Variants in GRID2 observed in about 807,000 individuals in gnomAD.
GRID2 encodes glutamate receptor ionotropic, delta-2.
GRID2 carries 33 observed loss-of-function variants against 114.8 expected under a neutral mutation model. The observed-to-expected ratio is 0.29, with a 90% CI of 0.22 to 0.38. The LOEUF (loss-of-function observed/expected upper bound fraction) is 0.38, where lower values mean the gene tolerates loss of function less well. Among genes scored for constraint, GRID2 ranks in the 10% least tolerant of loss-of-function variants. GRID2 has a pLI of 1.00. For synonymous variants in GRID2, 505 were observed against 449.9 expected (o/e 1.12, Z -1.55); for missense variants, 1,184 against 1,257.7 (o/e 0.94, Z 0.89).
intron 2 of GRID2, among the ~76,000 whole-genome samples, chr4:92,781,929 GTATTGA>G (rs1011746402): frequency 6.6e-6 from 1 of 151,972 alleles, no homozygotes; most frequent in Non-Finnish European, 1.5e-5. Flanking sequence ...ATGATACACT[GTATTGA>G]TATTGTCTGC....
intron 2 of GRID2, among the ~76,000 whole-genome samples, chr4:92,626,704 A>G (rs1043821754): frequency 4.6e-5 from 7 of 152,092 alleles, no homozygotes; most frequent in African/African-American, 1.4e-4. Flanking sequence ...CTTGAGTGTT[A>G]TATCTTCAAC....
At chr4:92,627,236 G>C (rs1023836593) in intron 2 of GRID2, among the ~76,000 whole-genome samples, 5 of 152,088 alleles carry the variant, frequency 3.3e-5, no homozygotes, top group African/African-American at 9.7e-5. Flanking sequence ...GTGGATGTTA[G>C]CATCTGGTAG....
At chr4:93,675,125 A>C (rs1398960196) in intron 14 of GRID2, among the ~76,000 whole-genome samples, 1 of 152,152 alleles carries the variant, frequency 6.6e-6, no homozygotes, top group Non-Finnish European at 1.5e-5. Flanking sequence ...TCCTTAAAAC[A>C]TCTCACAAAT....
At chr4:93,490,547 T>C (rs1478021186) in intron 11 of GRID2, 92 bp from the exon 12 acceptor site, 1 of 901,126 alleles carries the variant, frequency 1.1e-6, no homozygotes, top group Non-Finnish European at 1.7e-6. Flanking sequence ...TTCTCACTAC[T>C]TGCAAGTTAA....
chr4:93,457,932 A>C (rs1723362066), intron 11 of GRID2, among the ~76,000 whole-genome samples: 1 of 147,794 alleles, frequency 6.8e-6, no homozygotes, highest in Admixed American at 6.8e-5. Context: ...GGTTTGATAT[A>C]TTTGTCAGAT....
intron 1 of GRID2, among the ~76,000 whole-genome samples, chr4:92,578,425 A>G (rs1326505322): frequency 6.6e-6 from 1 of 151,664 alleles, no homozygotes; most frequent in Non-Finnish European, 1.5e-5. Flanking sequence ...AATTTCATCC[A>G]TGTCCCTACA....
intron 13 of GRID2, among the ~76,000 whole-genome samples, chr4:93,598,466 C>T (rs1325451019): frequency 2.0e-5 from 3 of 152,140 alleles, no homozygotes; most frequent in African/African-American, 7.2e-5. Flanking sequence ...ATCACTGACT[C>T]TAAGAGGTTT....
At chr4:93,249,505 A>T (rs756594813) in intron 8 of GRID2, among the ~76,000 whole-genome samples, 1 of 152,170 alleles carries the variant, frequency 6.6e-6, no homozygotes, top group Admixed American at 6.5e-5. Flanking sequence ...CCTATCCATG[A>T]GCATGGAATG....
intron 1 of GRID2, among the ~76,000 whole-genome samples, chr4:92,317,136 T>G (rs1726029218): frequency 6.6e-6 from 1 of 152,108 alleles, no homozygotes; most frequent in Non-Finnish European, 1.5e-5. Flanking sequence ...TAAAATTGCC[T>G]TTTTTACTCT....
intron 5 of GRID2, among the ~76,000 whole-genome samples, chr4:93,212,010 TG>T (rs1342314587): frequency 6.6e-5 from 10 of 152,242 alleles, no homozygotes; most frequent in African/African-American, 2.4e-4. Flanking sequence ...TGCTTGTTTA[TG>T]GGAATTTATA....
chr4:92,724,050 C>A (rs1214132420), intron 2 of GRID2, among the ~76,000 whole-genome samples: 1 of 152,012 alleles, frequency 6.6e-6, no homozygotes, highest in East Asian at 1.9e-4. Context: ...AAATCTGTAT[C>A]AATATACAGG....
intron 1 of GRID2, among the ~76,000 whole-genome samples, chr4:92,525,048 G>A (rs74342684): frequency 0.02 from 3,068 of 151,976 alleles, 38 homozygotes; most frequent in Non-Finnish European, 0.03. Context: ...TACTCTCTCA[G>A]TATAAAAGAA....
intron 1 of GRID2, among the ~76,000 whole-genome samples, chr4:92,500,555 G>A (rs554521783): frequency 6.6e-6 from 1 of 152,026 alleles, no homozygotes; most frequent in Non-Finnish European, 1.5e-5. Flanking sequence ...ACAAATACTT[G>A]TGTTTTTACT....
At chr4:92,348,537 A>C (rs1727897118) in intron 1 of GRID2, among the ~76,000 whole-genome samples, 2 of 152,306 alleles carry the variant, frequency 1.3e-5, no homozygotes, top group African/African-American at 4.8e-5. Context: ...AAGACTGAAG[A>C]GCTAAAAGAG....
At chr4:93,078,774 A>T (rs145009510) in intron 2 of GRID2, among the ~76,000 whole-genome samples, 3 of 55,806 alleles carry the variant, frequency 5.4e-5, no homozygotes, top group Non-Finnish European at 1.1e-4. Flanking sequence ...TTATATTTAT[A>T]TACTGTATAT....
chr4:93,673,001 T>C (rs1002311469), intron 14 of GRID2, among the ~76,000 whole-genome samples: 7 of 152,218 alleles, frequency 4.6e-5, no homozygotes, highest in Non-Finnish European at 7.3e-5. Context: ...TTAAATAGCA[T>C]AGAATACTAT....
intron 9 of GRID2, among the ~76,000 whole-genome samples, chr4:93,409,791 A>G (rs1008151465): frequency 2.6e-5 from 4 of 152,230 alleles, no homozygotes; most frequent in Non-Finnish European, 5.9e-5. Context: ...TCAAATTTCA[A>G]TCTTTCTTAC....
At chr4:93,538,231 G>A (rs2149523647) in intron 13 of GRID2, among the ~76,000 whole-genome samples, 1 of 151,710 alleles carries the variant, frequency 6.6e-6, no homozygotes, top group African/African-American at 2.4e-5. Context: ...ATAAGAAAGT[G>A]CTCAAATAAC....
chr4:93,109,923 A>T (rs1356726101), intron 3 of GRID2, among the ~76,000 whole-genome samples: 2 of 152,040 alleles, frequency 1.3e-5, no homozygotes, highest in African/African-American at 2.4e-5. Context: ...TTTAGATTGA[A>T]TTTTACTTTT....
Sources: gnomAD v4.1 joint callset for allele counts (sites outside exome capture counted in the v4.1 genomes callset) on GRCh38, gnomAD v4.1.1 for gene constraint, MANE v1.5 for transcripts, NCBI Gene and HGNC (gene_info 2026-07-23, HGNC 2026-07-21) for gene names.